Variants in CFAP161 observed in about 807,000 individuals in gnomAD.
The protein encoded by CFAP161 is cilia- and flagella-associated protein 161.
Under a neutral mutation model 29.0 loss-of-function variants are expected in CFAP161, and 25 were observed. The ratio of observed to expected loss-of-function variants is 0.86; its 90% CI spans 0.63 to 1.20. CFAP161 has a LOEUF of 1.20. CFAP161 is among the 50% of genes most tolerant of loss of function. The pLI is 0.00. For synonymous variants in CFAP161, 116 were observed against 137.4 expected (o/e 0.84, Z 1.09); for missense variants, 367 against 371.9 (o/e 0.99, Z 0.11).
chr15:81,144,978 G>A (rs768381432), intron 5 of CFAP161, among the ~76,000 whole-genome samples: 3 of 152,136 alleles, frequency 2.0e-5, no homozygotes, highest in Non-Finnish European at 2.9e-5. Context: ...GAAGGTGGGA[G>A]GTCTTGTGGG....
In CFAP161 at chr15:81,148,566, C is replaced by T. The variant is rs769105801; in HGVS notation, c.*33C>T. The T allele has an allele frequency of 6.2e-5, 98 of 1,570,256 alleles. 1 individual carries two copies. The highest frequency in any genetic ancestry group is 1.9e-4 in the South Asian group (16 of 85,994). ...GGCACGTGCATGTTTTCCCTGGTCC[C>T]GCTCTCATCAAATGTAGCTTTAAAA... On this transcript the variant is annotated 3_prime_UTR_variant, in exon 7 of 7. Transcript: ENST00000286732.
chr15:81,103,070 G>GATC (rs1894321340), intron 1 of CFAP161, among the ~76,000 whole-genome samples: 1 of 151,602 alleles, frequency 6.6e-6, no homozygotes, highest in African/African-American at 2.4e-5. Flanking sequence ...GGAAGCACAT[G>GATC]ATGATGATGA....
intron 3 of CFAP161, 127 bp from the exon 4 acceptor site, chr15:81,137,924 A>C (rs1212116388): frequency 1.5e-6 from 1 of 665,080 alleles, no homozygotes. Flanking sequence ...TAATTCAGTT[A>C]CAGTATGTGA....
intron 4 of CFAP161, among the ~76,000 whole-genome samples, chr15:81,140,460 A>G (rs1894887789): frequency 6.6e-6 from 1 of 152,138 alleles, no homozygotes; most frequent in Non-Finnish European, 1.5e-5. Flanking sequence ...CTACAGGTGC[A>G]TGACATTTCC....
At chr15:81,147,129 C>A (rs1895022186) in intron 5 of CFAP161, among the ~76,000 whole-genome samples, 1 of 151,870 alleles carries the variant, frequency 6.6e-6, no homozygotes, top group Non-Finnish European at 1.5e-5. Context: ...ATTCACCGAG[C>A]ACAAGACGAA....
At position 81,107,980 on chromosome 15, in the gene CFAP161, C is replaced by T. The variant is rs892029467; in HGVS notation, c.-141-19610C>T. ...ACTCCCATGTTAACTTATGTTTTCCCATACTATCTCTGCACTTCCGTTTCC... is the reference window on the plus strand; with the variant it reads ...ACTCCCATGTTAACTTATGTTTTCCTATACTATCTCTGCACTTCCGTTTCC... On this transcript the variant is annotated intron_variant, in intron 1 of 4. Transcript: ENST00000560091. Among the ~76,000 whole-genome samples the T allele has an allele frequency of 2.6e-5, 4 of 151,720 alleles. No homozygotes were observed. The South Asian group carries it at 6.2e-4, about 24-fold the overall frequency.
intron 2 of CFAP161, among the ~76,000 whole-genome samples, chr15:81,129,109 G>A (rs1026503268): frequency 6.6e-6 from 1 of 151,980 alleles, no homozygotes; most frequent in Non-Finnish European, 1.5e-5. Context: ...GTGACTAGGT[G>A]CATTGTCAAT....
At chr15:81,122,807 CAT>C (rs1453061637) in intron 1 of CFAP161, among the ~76,000 whole-genome samples, 1 of 151,956 alleles carries the variant, frequency 6.6e-6, no homozygotes, top group Non-Finnish European at 1.5e-5. Context: ...TGATTTTTTT[CAT>C]ATGATTGTTG....
At chr15:81,120,506 A>T (rs1894558261) in intron 1 of CFAP161, among the ~76,000 whole-genome samples, 1 of 152,170 alleles carries the variant, frequency 6.6e-6, no homozygotes, top group South Asian at 2.1e-4. Flanking sequence ...AATGGTTCCC[A>T]CCTGTAATCC....
chr15:81,121,071 A>G (rs1301743731), intron 1 of CFAP161, among the ~76,000 whole-genome samples: 2 of 152,226 alleles, frequency 1.3e-5, no homozygotes, highest in Admixed American at 1.3e-4. Flanking sequence ...CAATCTTTAG[A>G]AAAACTTTTA....
rs1421281120 is a variant in CFAP161, at chr15:81,136,704, TCAAGC to T, written c.353_357del (p.Ala118AspfsTer23). ...AGGTACCCTGTGGCCTGAGCGCAGT[TCAAGC>T]CAAGACCCCAATTGGCAGAAACACT... is the stretch of plus-strand genomic sequence containing the variant. On this transcript the variant is annotated frameshift_variant, in exon 3 of 7. Transcript: ENST00000286732. LOFTEE classifies it high-confidence loss of function. 3 of 1,614,036 alleles carry T rather than the reference TCAAGC, an allele frequency of 1.9e-6. No individual in the cohort carries two copies. The African/African-American group carries it at 4.0e-5, about 22-fold the overall frequency.
At chr15:81,143,345 G>C (rs1894946801) in intron 4 of CFAP161, among the ~76,000 whole-genome samples, 2 of 152,098 alleles carry the variant, frequency 1.3e-5, no homozygotes, top group African/African-American at 4.8e-5. Flanking sequence ...CAAACCCATT[G>C]GTCCAGTTCC....
At chr15:81,124,387 T>C (rs186516981) in intron 1 of CFAP161, among the ~76,000 whole-genome samples, 1 of 152,328 alleles carries the variant, frequency 6.6e-6, no homozygotes. Context: ...AGATAAGCCT[T>C]TGATATGCTG....
At chr15:81,136,426 G>C in intron 2 of CFAP161, 90 bp from the exon 3 acceptor site, 1 of 1,096,258 alleles carries the variant, frequency 9.1e-7, no homozygotes, top group Non-Finnish European at 1.4e-6. Context: ...GAATGAAATG[G>C]GTACTAGTCC....
chr15:81,147,298 C>A (rs76833152), intron 5 of CFAP161, among the ~76,000 whole-genome samples: 2,634 of 152,114 alleles, frequency 0.017, 74 homozygotes, highest in African/African-American at 0.057. Context: ...CCCCCAGTAC[C>A]CGCTCTTTTC....
intron 1 of CFAP161, chr15:81,118,080 G>A: frequency 1.9e-6 from 1 of 526,894 alleles, no homozygotes; most frequent in South Asian, 2.0e-5. Flanking sequence ...AAGGTTCCAA[G>A]GTGCTGATAT....
intron 4 of CFAP161, among the ~76,000 whole-genome samples, chr15:81,142,474 C>G (rs568408898): frequency 6.6e-4 from 101 of 152,188 alleles, no homozygotes; most frequent in African/African-American, 2.4e-3. Flanking sequence ...GTGTTCACCC[C>G]CTCTGGCTAT....
At chr15:81,131,142 A>G, upstream of CFAP161, among the ~76,000 whole-genome samples, 1 of 151,804 alleles carries the variant, frequency 6.6e-6, no homozygotes, top group African/African-American at 2.4e-5. Flanking sequence ...TTTGTAAAAA[A>G]AAAAAAAAAA....
intron 5 of CFAP161, among the ~76,000 whole-genome samples, chr15:81,144,556 A>G (rs1241771481): frequency 6.6e-6 from 1 of 152,166 alleles, no homozygotes; most frequent in Non-Finnish European, 1.5e-5. Flanking sequence ...AGACTGTACC[A>G]TCGCACTCCA....
Sources: gnomAD v4.1 joint callset for allele counts (sites outside exome capture counted in the v4.1 genomes callset) on GRCh38, gnomAD v4.1.1 for gene constraint, MANE v1.5 for transcripts, NCBI Gene and HGNC (gene_info 2026-07-23, HGNC 2026-07-21) for gene names.